The following PCSK1 variants were observed in gnomAD, a reference collection of about 807,000 sequenced individuals.
PCSK1 encodes proprotein convertase subtilisin/kexin type 1, also known as neuroendocrine convertase 1.
A neutral mutation model predicts 90.6 loss-of-function variants in PCSK1; 56 were observed. The observed-to-expected ratio is 0.62, with a 90% CI of 0.50 to 0.77. The LOEUF is 0.77. PCSK1 is among the 30% of genes least tolerant of loss of function. The pLI is 0.00. For missense variants in PCSK1, 801 were observed against 932.6 expected (o/e 0.86, Z 1.84); for synonymous variants, 348 against 342.4 (o/e 1.02, Z -0.18).
At chr5:96,407,573 G>C (rs1760615517) in intron 9 of PCSK1, among the ~76,000 whole-genome samples, 1 of 152,166 alleles carries the variant, frequency 6.6e-6, no homozygotes, top group Non-Finnish European at 1.5e-5. Context: ...CTTGCCCTTT[G>C]ACCCAGAAAT....
intron 2 of PCSK1, among the ~76,000 whole-genome samples, chr5:96,426,878 A>G (rs957438254): frequency 9.9e-5 from 15 of 152,230 alleles, no homozygotes; most frequent in Non-Finnish European, 1.3e-4. Context: ...TCAATTTTCA[A>G]TTAAAAATAT....
rs768031892 is a variant in PCSK1 at position 96,416,117 on chromosome 5, C to T, written c.625G>A (p.Gly209Arg). The T allele has an allele frequency of 1.2e-5, 19 of 1,605,010 alleles. No individual in the cohort carries two copies. Among genetic ancestry groups the T allele is most frequent in the East Asian group, 4.5e-5 (2 of 44,818 alleles). Residue 209 changes from glycine (G) to arginine (R), a missense_variant, in exon 6 of 14, where the codon GGG (glycine) becomes AGG (arginine). Transcript: ENST00000311106. ...GCAATTTCTCCTGCACATCTGGTCCCGTGTCTGAGGATTGAAAAATAAGAA... is the reference window on the plus strand; with the variant it reads ...GCAATTTCTCCTGCACATCTGGTCCTGTGTCTGAGGATTGAAAAATAAGAA... ...RYDPTNENKH[G>R]TRCAGEIAMQ...
intron 13 of PCSK1, among the ~76,000 whole-genome samples, chr5:96,394,374 T>C (rs1760058926): frequency 6.6e-6 from 1 of 152,226 alleles, no homozygotes; most frequent in African/African-American, 2.4e-5. Context: ...CTCCCCTTGG[T>C]GTTGCCAAGA....
At chr5:96,393,500 A>G (rs886254847) in intron 13 of PCSK1, 122 bp from the exon 14 acceptor site, 17 of 1,179,062 alleles carry the variant, frequency 1.4e-5, no homozygotes, top group Non-Finnish European at 2.0e-5. Context: ...GGGAGGGGAG[A>G]GAGTTCAAGA....
intron 8 of PCSK1, among the ~76,000 whole-genome samples, 186 bp from the exon 9 acceptor site, chr5:96,408,509 C>G (rs781233800): frequency 6.6e-6 from 1 of 152,344 alleles, no homozygotes; most frequent in Non-Finnish European, 1.5e-5. Context: ...AGTTCACCCT[C>G]TATATGCAAC....
intron 9 of PCSK1, among the ~76,000 whole-genome samples, chr5:96,403,151 A>G (rs745339125): frequency 2.0e-5 from 3 of 152,174 alleles, no homozygotes; most frequent in Non-Finnish European, 4.4e-5. Flanking sequence ...TCTGTAGTAG[A>G]GCATTTATTT....
chr5:96,421,097 T>C (rs1032555027), intron 5 of PCSK1, among the ~76,000 whole-genome samples: 6 of 152,194 alleles, frequency 3.9e-5, no homozygotes, highest in African/African-American at 1.4e-4. Flanking sequence ...ATGGACACTT[T>C]GAGGGTCCAC....
intron 9 of PCSK1, among the ~76,000 whole-genome samples, chr5:96,402,418 AGGTCCCTT>A (rs1395409838): frequency 2.0e-5 from 3 of 152,048 alleles, no homozygotes; most frequent in Non-Finnish European, 4.4e-5. Context: ...TTTCCTTCCT[AGGTCCCTT>A]GGTCAGGCCT....
chr5:96,410,940 C>A lies in PCSK1; in HGVS notation c.929G>T (p.Gly310Val). The A allele has an allele frequency of 6.2e-7, 1 of 1,614,056 alleles. No individual in the cohort carries two copies. Among genetic ancestry groups the A allele is most frequent in the Non-Finnish European group, 8.5e-7 (1 of 1,180,016 alleles). ...GTCACAATTATCTCCCTGACGCCCC[C>A]CGTTTCCCGAAGCCCAGACGAAGAT... ...GSIFVWASGN[G>V]GRQGDNCDCD... Residue 310 changes from glycine (G) to valine (V), a missense_variant, in exon 8 of 14, where the codon GGG (glycine) becomes GTG (valine). By Grantham distance (109) the Gly-to-Val change is moderately radical. Coordinates refer to ENST00000311106, the MANE Select transcript of PCSK1 (RefSeq NM_000439.5).
rs1336103140 is a variant in PCSK1, at chr5:96,390,957, A to C, written c.*2044T>G. 6.6e-6 allele frequency: 1 copy of C among 152,666 alleles called. No individual in the cohort carries two copies. The highest frequency in any genetic ancestry group is 1.9e-4 in the East Asian group (1 of 5,204). 9.5% of individuals were successfully genotyped at this position (152,666 alleles called of 1,614,324 possible). ...ATATTTTGTTAGGAAGAATCAAAAG[A>C]AAGATTTATACATCTAGCACTAGAT... On this transcript the variant is annotated 3_prime_UTR_variant, in exon 14 of 14. Transcript: ENST00000311106.
At chr5:96,419,136 G>A (rs1437912129) in intron 5 of PCSK1, among the ~76,000 whole-genome samples, 2 of 151,864 alleles carry the variant, frequency 1.3e-5, no homozygotes, top group African/African-American at 2.4e-5. Context: ...AATAACAAGT[G>A]TGACAAGAAT....
In PCSK1 at chr5:96,391,207, GCAAACA is replaced by G. The variant is rs1401205887; in HGVS notation, c.*1788_*1793del. The G allele has an allele frequency of 6.6e-6, 1 of 152,156 alleles. No individual in the cohort carries two copies. Among genetic ancestry groups the G allele is most frequent in the East Asian group, 1.9e-4 (1 of 5,192 alleles). 9.4% of individuals were successfully genotyped at this position (152,156 alleles called of 1,614,324 possible). On this transcript the variant is annotated 3_prime_UTR_variant, in exon 14 of 14. Coordinates refer to ENST00000311106, the MANE Select transcript of PCSK1 (RefSeq NM_000439.5). ...CTCTAAGCATTACGGGCATTGCTCTGCAAACACCCTCTACACAAATTCAAATGGTAG... is the reference window on the plus strand; with the variant it reads ...CTCTAAGCATTACGGGCATTGCTCTGCCCTCTACACAAATTCAAATGGTAG...
At chr5:96,397,962 TATTA>T in intron 11 of PCSK1, among the ~76,000 whole-genome samples, 1 of 152,136 alleles carries the variant, frequency 6.6e-6, no homozygotes, top group African/African-American at 2.4e-5. Context: ...TTAATTAATG[TATTA>T]ATTTCTTAAA....
Position 96,393,306 on chromosome 5 carries a change from C to A in PCSK1, c.1957G>T (p.Gly653Cys), listed in dbSNP as rs1455769735. The change falls in exon 14 of 14, where the codon GGC becomes TGC. Residue 653 changes from glycine to cysteine, a missense_variant. Physicochemically the swap from Gly to Cys is radical, Grantham distance 159 (BLOSUM62 -3). Transcript: ENST00000311106. ...SKSPSSSSVG[G>C]RRDELEEGAP... Reference sequence around the variant, plus strand: ...CCCTCCTCCAACTCATCCCTCCGGCCCCCTACGCTGCTGCTGCTGGGGCTT... The same window carrying A: ...CCCTCCTCCAACTCATCCCTCCGGCACCCTACGCTGCTGCTGCTGGGGCTT... 1 of 1,614,096 alleles carries A rather than the reference C, an allele frequency of 6.2e-7. No individual in the cohort carries two copies. The highest frequency in any genetic ancestry group is 1.7e-5 in the Admixed American group (1 of 60,016).
chr5:96,400,114 G>A lies in PCSK1; in HGVS notation c.1269C>T (p.Asn423=), dbSNP rs751616333. The part of the protein sequence containing the change: ...WTSEYDPLAN[N]PGWKKNGAGL... The stretch of plus-strand genomic sequence containing the variant: ...CTGCTCCATTCTTTTTCCATCCAGG[G>A]TTATTGGCCAGCGGGTCATACTCAG... Residue 423 remains asparagine, a synonymous_variant, in exon 10 of 14, where the codon AAC becomes AAT. Transcript: ENST00000311106. 3 of 1,614,142 alleles carry A rather than the reference G, an allele frequency of 1.9e-6. No individual in the cohort carries two copies. The highest frequency in any genetic ancestry group is 1.7e-6 in the Non-Finnish European group (2 of 1,180,020).
intron 5 of PCSK1, among the ~76,000 whole-genome samples, chr5:96,418,374 C>G (rs1465434409): frequency 1.3e-5 from 2 of 152,122 alleles, no homozygotes; most frequent in African/African-American, 4.8e-5. Context: ...TAAATACTAC[C>G]CTTATTCTGG....
At chr5:96,398,108 A>C (rs1322836053) in intron 11 of PCSK1, among the ~76,000 whole-genome samples, 1 of 152,192 alleles carries the variant, frequency 6.6e-6, no homozygotes, top group Non-Finnish European at 1.5e-5. Flanking sequence ...TATCAATTAA[A>C]AAAGCATTCC....
intron 5 of PCSK1, among the ~76,000 whole-genome samples, chr5:96,417,450 C>T (rs1185942603): frequency 1.3e-5 from 2 of 151,970 alleles, no homozygotes; most frequent in Non-Finnish European, 2.9e-5. Context: ...CATGGGGCCC[C>T]TCCTCTCAGA....
At chr5:96,421,350 A>G (rs984595176) in intron 5 of PCSK1, among the ~76,000 whole-genome samples, 1 of 151,996 alleles carries the variant, frequency 6.6e-6, no homozygotes, top group East Asian at 1.9e-4. Context: ...GGCTGGCTCA[A>G]TGCCCTGGAG....
Sources: allele counts gnomAD v4.1 joint callset (sites outside exome capture counted in the v4.1 genomes callset), GRCh38; gene constraint gnomAD v4.1.1; transcripts MANE v1.5; gene names NCBI Gene and HGNC (gene_info 2026-07-23, HGNC 2026-07-21).